Variants in KSR2 observed in about 807,000 individuals in gnomAD.
KSR2 encodes the protein kinase suppressor of ras 2.
A neutral mutation model predicts 107.8 loss-of-function variants in KSR2; 25 were observed. The observed-to-expected ratio is 0.23, with a 90% CI of 0.17 to 0.32. KSR2 has a LOEUF of 0.32. KSR2 is among the 10% of genes least tolerant of loss of function. The probability of loss-of-function intolerance (pLI) is 1.00; values close to 1 mark genes in which losing one functional copy is unlikely to be tolerated. For missense variants in KSR2, 887 were observed against 1,268.9 expected (o/e 0.70, Z 4.57); for synonymous variants, 480 against 507.0 (o/e 0.95, Z 0.71).
chr12:117,661,225 C>T (rs1350995876), intron 5 of KSR2, among the ~76,000 whole-genome samples: 1 of 151,752 alleles, frequency 6.6e-6, no homozygotes, highest in Non-Finnish European at 1.5e-5. Flanking sequence ...GCTTGCATAA[C>T]AGCTAAACAC....
At chr12:117,780,738 T>G (rs1386477266) in intron 3 of KSR2, among the ~76,000 whole-genome samples, 2 of 152,230 alleles carry the variant, frequency 1.3e-5, no homozygotes, top group East Asian at 1.9e-4. Context: ...TGGCTGATTT[T>G]TTAATGTTTT....
intron 14 of KSR2, among the ~76,000 whole-genome samples, chr12:117,522,037 A>C (rs1353703280): frequency 6.6e-5 from 10 of 152,184 alleles, no homozygotes; most frequent in Non-Finnish European, 1.3e-4. Flanking sequence ...AACACTTCAG[A>C]GACCAATTAC....
At chr12:117,727,748 T>C (rs1887492682) in intron 4 of KSR2, among the ~76,000 whole-genome samples, 1 of 152,112 alleles carries the variant, frequency 6.6e-6, no homozygotes, top group Non-Finnish European at 1.5e-5. Context: ...TGTGAGACAA[T>C]GGAATTCTGT....
chr12:117,874,753 C>A (rs1264363549), intron 1 of KSR2, among the ~76,000 whole-genome samples: 1 of 151,874 alleles, frequency 6.6e-6, no homozygotes, highest in African/African-American at 2.4e-5. Flanking sequence ...CCCTGCCAGG[C>A]GGCCTAATTG....
chr12:117,760,867 G>T, intron 4 of KSR2, 144 bp downstream of exon 4: 1 of 1,056,402 alleles, frequency 9.5e-7, no homozygotes, highest in Non-Finnish European at 1.4e-6. Context: ...AGAACCCTCT[G>T]TGAAAAGCCA....
Position 117,544,386 on chromosome 12 carries a change from G to A in KSR2, c.1519-4499C>T, listed in dbSNP as rs147716282. The stretch of plus-strand genomic sequence containing the variant: ...TGTAATCCTAGCACTTTGGGAGGCC[G>A]AGATGGGCAGATCACAAGGTCAGGA... On this transcript the variant is annotated intron_variant, in intron 9 of 19. Transcript: ENST00000339824. 2.6e-3 allele frequency among the ~76,000 whole-genome samples: 398 copies of A among 152,218 alleles called. 1 individual carries two copies. Among genetic ancestry groups the A allele is most frequent in the Non-Finnish European group, 3.7e-3 (249 of 68,008 alleles).
chr12:117,909,871 G>A (rs1894963509), intron 1 of KSR2, among the ~76,000 whole-genome samples: 1 of 151,350 alleles, frequency 6.6e-6, no homozygotes, highest in Admixed American at 6.6e-5. Flanking sequence ...TCACGCCACT[G>A]CATTGCAGCC....
At chr12:117,662,234 A>G (rs776611207) in intron 5 of KSR2, among the ~76,000 whole-genome samples, 23 of 152,144 alleles carry the variant, frequency 1.5e-4, no homozygotes, top group Admixed American at 3.9e-4. Flanking sequence ...ATATCTTCCA[A>G]TTCTGAGACA....
intron 4 of KSR2, among the ~76,000 whole-genome samples, chr12:117,716,445 C>T (rs1229793282): frequency 6.6e-6 from 1 of 152,160 alleles, no homozygotes; most frequent in East Asian, 1.9e-4. Context: ...CAATGCACAC[C>T]AGATTTTGAA....
chr12:117,879,473 T>C (rs1893961106), intron 1 of KSR2, among the ~76,000 whole-genome samples: 1 of 152,254 alleles, frequency 6.6e-6, no homozygotes, highest in Admixed American at 6.5e-5. Flanking sequence ...TTGAGAAGGC[T>C]TGTCTGTCAA....
chr12:117,721,195 GA>G (rs1329104265), intron 4 of KSR2, among the ~76,000 whole-genome samples: 1 of 152,148 alleles, frequency 6.6e-6, no homozygotes, highest in Non-Finnish European at 1.5e-5. Context: ...GGAAATAACG[GA>G]AATCTTTATC....
In KSR2 at chr12:117,761,527, G is replaced by A. The variant is rs1342227019; in HGVS notation, c.473-3C>T. 1 of 1,613,150 alleles carries A rather than the reference G, an allele frequency of 6.2e-7. No homozygotes were observed. The highest frequency in any genetic ancestry group is 1.3e-5 in the African/African-American group (1 of 74,888). On this transcript the variant is annotated splice_polypyrimidine_tract_variant and splice_region_variant and intron_variant, in intron 3 of 19. Transcript: ENST00000339824. ...GTCTTGTTTGGAAAGGTTGCCTCCT[G>A]AGTTGGAACAGAAGAGCAGAGACAA...
At chr12:117,702,334 G>C (rs913190542) in intron 4 of KSR2, among the ~76,000 whole-genome samples, 7 of 152,144 alleles carry the variant, frequency 4.6e-5, no homozygotes, top group Admixed American at 1.3e-4. Flanking sequence ...TTCCACGAGG[G>C]TGGGGACCAT....
intron 5 of KSR2, among the ~76,000 whole-genome samples, chr12:117,648,655 T>C (rs1482516474): frequency 6.6e-6 from 1 of 152,236 alleles, no homozygotes; most frequent in East Asian, 1.9e-4. Flanking sequence ...TTGCTATCAC[T>C]GTATACATCA....
At position 117,694,845 on chromosome 12, in the gene KSR2, CTTTTTTTT is replaced by C. The variant is rs34228762; in HGVS notation, c.987-27195_987-27188del. On this transcript the variant is annotated intron_variant, in intron 4 of 19. Transcript: ENST00000339824. ...ACAAAAGGACAAATGTTGTATGATT[CTTTTTTTT>C]TTTTTTTTTTTTTTGAGATGGAGCC... 9.0e-4 allele frequency among the ~76,000 whole-genome samples: 89 copies of C among 99,104 alleles called. 1 individual carries two copies. Among genetic ancestry groups the C allele is most frequent in the African/African-American group, 3.3e-3 (87 of 26,368 alleles). 65.0% of individuals were successfully genotyped at this position (99,104 alleles called of 152,430 possible).
chr12:117,782,523 C>T (rs1347448697), intron 3 of KSR2, among the ~76,000 whole-genome samples: 3 of 152,182 alleles, frequency 2.0e-5, no homozygotes, highest in Admixed American at 2.0e-4. Context: ...CCTTGGCCTC[C>T]CAAAGTGTTG....
intron 1 of KSR2, among the ~76,000 whole-genome samples, chr12:117,863,024 CG>C (rs1180799357): frequency 6.6e-6 from 1 of 152,110 alleles, no homozygotes; most frequent in Non-Finnish European, 1.5e-5. Context: ...CCACCGCACC[CG>C]GCCTTCCATT....
At chr12:117,836,833 G>T (rs1412208803) in intron 3 of KSR2, among the ~76,000 whole-genome samples, 1 of 152,230 alleles carries the variant, frequency 6.6e-6, no homozygotes, top group Non-Finnish European at 1.5e-5. Context: ...CAGCCTCTCG[G>T]GAGGGCTCCC....
intron 3 of KSR2, among the ~76,000 whole-genome samples, chr12:117,782,389 G>A (rs927240622): frequency 1.3e-5 from 2 of 152,044 alleles, no homozygotes; most frequent in Non-Finnish European, 2.9e-5. Flanking sequence ...TTGGTCTCCC[G>A]AGTAGCTAGG....
Sources: allele counts gnomAD v4.1 joint callset (sites outside exome capture counted in the v4.1 genomes callset), GRCh38; gene constraint gnomAD v4.1.1; transcripts MANE v1.5; gene names NCBI Gene and HGNC (gene_info 2026-07-23, HGNC 2026-07-21).